Variants in RARB observed in about 807,000 individuals in gnomAD.
The protein encoded by RARB is HBV-activated protein.
Under a neutral mutation model 51.9 loss-of-function variants are expected in RARB, and 17 were observed. That is an observed-to-expected ratio of 0.33 (90% CI 0.22 to 0.49). RARB has a LOEUF of 0.49. Ranked by LOEUF, RARB falls within the 20% of genes least tolerant of loss-of-function variation. RARB has a pLI of 0.99. For synonymous variants in RARB, 215 were observed against 195.4 expected, an observed-to-expected ratio of 1.10 and a Z score of -0.84; for missense variants, 369 against 550.8, an observed-to-expected ratio of 0.67 and a Z score of 3.30.
chr3:25,135,655 T>A lies in RARB; in HGVS notation c.-280+3447T>A, dbSNP rs61640000. ...ACACATTGATGTCAGTGAGAAGACATAGCTAAATGGTAGGAAGAAAAGAGC... is the reference window on the plus strand; with the variant it reads ...ACACATTGATGTCAGTGAGAAGACAAAGCTAAATGGTAGGAAGAAAAGAGC... On this transcript the variant is annotated intron_variant, in intron 4 of 11. Coordinates refer to the RARB transcript ENST00000383772. Among the ~76,000 whole-genome samples the A allele has an allele frequency of 3.4e-3, 524 of 152,084 alleles. 3 individuals are homozygous for A. Among genetic ancestry groups the A allele is most frequent in the African/African-American group, 0.012 (504 of 41,536 alleles).
intron 5 of RARB, among the ~76,000 whole-genome samples, chr3:25,410,669 G>C (rs751537009): frequency 6.6e-6 from 1 of 152,128 alleles, no homozygotes; most frequent in Non-Finnish European, 1.5e-5. Context: ...GAGTCCTCAG[G>C]TCCTCTCACC....
chr3:25,319,976 T>C (rs946690650), intron 5 of RARB, among the ~76,000 whole-genome samples: 3 of 151,996 alleles, frequency 2.0e-5, no homozygotes, highest in African/African-American at 4.8e-5. Context: ...TCAGTCTTTC[T>C]GGAACAGTGG....
chr3:24,847,873 A>G (rs1349940781), intron 1 of RARB, among the ~76,000 whole-genome samples: 1 of 152,224 alleles, frequency 6.6e-6, no homozygotes, highest in Non-Finnish European at 1.5e-5. Context: ...GTAGCAAGGC[A>G]GTAGAGCTGG....
At chr3:25,498,740 C>T (rs977378214) in intron 2 of RARB, among the ~76,000 whole-genome samples, 2 of 152,168 alleles carry the variant, frequency 1.3e-5, no homozygotes, top group Non-Finnish European at 2.9e-5. Flanking sequence ...TCACCTTTGT[C>T]CATACCTCAT....
intron 4 of RARB, among the ~76,000 whole-genome samples, chr3:25,148,182 A>G (rs2125340229): frequency 1.3e-5 from 2 of 152,314 alleles, no homozygotes; most frequent in Middle Eastern, 3.4e-3. Context: ...AGAGACATTA[A>G]CACCCCAACA....
intron 4 of RARB, among the ~76,000 whole-genome samples, chr3:25,147,046 A>T (rs939344301): frequency 1.1e-4 from 17 of 152,110 alleles, no homozygotes; most frequent in Non-Finnish European, 2.1e-4. Context: ...TATTTATCCA[A>T]GCTCTCCAGA....
At chr3:25,325,152 G>A (rs537618008) in intron 5 of RARB, among the ~76,000 whole-genome samples, 76 of 152,270 alleles carry the variant, frequency 5.0e-4, no homozygotes, top group Non-Finnish European at 7.1e-4. Flanking sequence ...GCAATTCCCA[G>A]AACTGAGGAT....
rs1475045862 is a variant in RARB at position 25,376,850 on chromosome 3, C to G, written c.179-84343C>G. On this transcript the variant is annotated intron_variant, in intron 5 of 11. Coordinates refer to the RARB transcript ENST00000383772. ...CACTTCCTTTGCAAGGAAATGAGAA[C>G]TACCAGGGTGTCCTCTGTTAGGCAC... is the stretch of plus-strand genomic sequence containing the variant. Among the ~76,000 whole-genome samples the G allele has an allele frequency of 2.6e-5, 4 of 152,320 alleles. No individual in the cohort carries two copies. In the South Asian group the frequency reaches 8.3e-4, roughly 32 times the overall value.
rs145677008 is a variant in RARB at position 24,989,418 on chromosome 3, T to C, written c.-379-70707T>C. ...AAAACATTACTGAATTAGAATTTTC[T>C]CTCTAATATTGTAATATCGATTTTC... is the stretch of plus-strand genomic sequence containing the variant. On this transcript the variant is annotated intron_variant, in intron 2 of 11. Coordinates refer to the RARB transcript ENST00000383772. Among the ~76,000 whole-genome samples, 306 of 42,014 alleles carry C rather than the reference T, an allele frequency of 7.3e-3. 96 individuals are homozygous for C. The highest frequency in any genetic ancestry group is 0.029 in the African/African-American group (296 of 10,254). 27.6% of individuals were successfully genotyped at this position (42,014 alleles called of 152,430 possible).
chr3:24,981,028 G>T (rs1696654969), intron 2 of RARB, among the ~76,000 whole-genome samples: 1 of 152,194 alleles, frequency 6.6e-6, no homozygotes. Flanking sequence ...AGGCCCTTCA[G>T]CTGCAGGTCT....
At chr3:25,170,013 GAAA>G (rs34538957) in intron 4 of RARB, among the ~76,000 whole-genome samples, 1 of 131,556 alleles carries the variant, frequency 7.6e-6, no homozygotes, top group Non-Finnish European at 1.7e-5. Flanking sequence ...AAAAAAGAAA[GAAA>G]AAAAAAAAGA....
At chr3:25,421,866 A>T (rs1301212970) in intron 5 of RARB, among the ~76,000 whole-genome samples, 1 of 152,162 alleles carries the variant, frequency 6.6e-6, no homozygotes, top group Non-Finnish European at 1.5e-5. Context: ...TGGGGTTTAA[A>T]CACAGGTAGT....
At chr3:25,123,318 T>C (rs1396965348) in intron 3 of RARB, among the ~76,000 whole-genome samples, 1 of 152,304 alleles carries the variant, frequency 6.6e-6, no homozygotes, top group Non-Finnish European at 1.5e-5. Context: ...AGGGGTGGAA[T>C]AGTCATAGAA....
At chr3:25,543,421 T>A (rs1240653238) in intron 3 of RARB, among the ~76,000 whole-genome samples, 1 of 152,132 alleles carries the variant, frequency 6.6e-6, no homozygotes, top group Non-Finnish European at 1.5e-5. Context: ...GAAAATTCAG[T>A]CTGTTCAGGC....
intron 5 of RARB, among the ~76,000 whole-genome samples, chr3:25,589,257 G>A (rs1197241084): frequency 2.0e-5 from 3 of 152,162 alleles, no homozygotes; most frequent in Non-Finnish European, 4.4e-5. Context: ...CAAACACTTT[G>A]CCTCAGCAGT....
At chr3:25,091,131 C>T (rs1004046613) in intron 3 of RARB, among the ~76,000 whole-genome samples, 1 of 152,118 alleles carries the variant, frequency 6.6e-6, no homozygotes, top group Non-Finnish European at 1.5e-5. Flanking sequence ...ATTTAAGGAT[C>T]TTTATAGAAC....
intron 3 of RARB, among the ~76,000 whole-genome samples, chr3:25,534,388 G>C (rs1362602287): frequency 6.6e-6 from 1 of 151,992 alleles, no homozygotes; most frequent in Non-Finnish European, 1.5e-5. Context: ...ATTATTAATG[G>C]GTCCTCAGTT....
At chr3:24,978,109 T>C (rs1312609703) in intron 2 of RARB, among the ~76,000 whole-genome samples, 2 of 152,208 alleles carry the variant, frequency 1.3e-5, no homozygotes, top group Non-Finnish European at 2.9e-5. Context: ...GCCCACTTGA[T>C]CATGGTGGAT....
chr3:25,535,613 A>G (rs1488051843), intron 3 of RARB, among the ~76,000 whole-genome samples: 2 of 151,740 alleles, frequency 1.3e-5, no homozygotes, highest in Non-Finnish European at 2.9e-5. Flanking sequence ...CCCTGTGTCC[A>G]TGTGTTCTCA....
Sources: allele counts gnomAD v4.1 joint callset (sites outside exome capture counted in the v4.1 genomes callset), GRCh38; gene constraint gnomAD v4.1.1; transcripts MANE v1.5; gene names NCBI Gene and HGNC (gene_info 2026-07-23, HGNC 2026-07-21).